The following TMEM164 variants were observed in gnomAD, a reference collection of about 807,000 sequenced individuals.
TMEM164 encodes the protein transmembrane protein 164.
A neutral mutation model predicts 18.8 loss-of-function variants in TMEM164; 4 were observed. The observed-to-expected ratio is 0.21, with a 90% CI of 0.10 to 0.49. The LOEUF is 0.49. Ranked by LOEUF, TMEM164 falls within the 20% of genes least tolerant of loss-of-function variation. TMEM164 has a pLI of 0.98. For missense variants in TMEM164, 108 were observed against 239.9 expected (o/e 0.45, Z 3.63); for synonymous variants, 86 against 101.7 (o/e 0.85, Z 0.93).
At chrX:110,031,653 AG>A (rs909312084) in intron 2 of TMEM164, among the ~76,000 whole-genome samples, 3 of 110,733 alleles carry the variant, frequency 2.7e-5, no homozygotes, top group African/African-American at 9.8e-5. Flanking sequence ...AATTTTAAAA[AG>A]GTTTTTTTGC....
chrX:110,021,555 G>C (rs1933860879), intron 2 of TMEM164, among the ~76,000 whole-genome samples: 1 of 111,598 alleles, frequency 9.0e-6, no homozygotes, highest in Admixed American at 9.5e-5. Flanking sequence ...GTCAGATTCA[G>C]TGCTGAGCTG....
chrX:110,101,071 C>A (rs946187156), intron 3 of TMEM164, among the ~76,000 whole-genome samples: 12 of 110,313 alleles, frequency 1.1e-4, no homozygotes, highest in African/African-American at 3.6e-4. Flanking sequence ...CTCTTCCTCT[C>A]CTTCCTCCCC....
intron 2 of TMEM164, among the ~76,000 whole-genome samples, chrX:110,055,829 A>G (rs1056448857): frequency 1.8e-5 from 2 of 110,695 alleles, no homozygotes; most frequent in African/African-American, 3.3e-5. Context: ...CAAGGGATAT[A>G]TGGGTAATGG....
intron 3 of TMEM164, among the ~76,000 whole-genome samples, chrX:110,075,282 T>C (rs2065654603): frequency 3.6e-5 from 4 of 111,816 alleles, no homozygotes; most frequent in Non-Finnish European, 7.5e-5. Context: ...TGTATAGAAA[T>C]GCTACTGATT....
chrX:110,093,650 T>C (rs1005062708), intron 3 of TMEM164, among the ~76,000 whole-genome samples: 2 of 111,907 alleles, frequency 1.8e-5, no homozygotes, highest in East Asian at 2.8e-4. Context: ...CCTGGATTCA[T>C]TGATTTTTTT....
chrX:110,046,675 T>C (rs1003904592), intron 2 of TMEM164, among the ~76,000 whole-genome samples: 1 of 112,577 alleles, frequency 8.9e-6, no homozygotes, highest in Non-Finnish European at 1.9e-5. Flanking sequence ...AAAACTAAAA[T>C]AGAGTTGGGG....
At chrX:110,127,348 A>C (rs1258837460) in intron 4 of TMEM164, among the ~76,000 whole-genome samples, 3 of 111,054 alleles carry the variant, frequency 2.7e-5, no homozygotes, top group Admixed American at 9.5e-5. Flanking sequence ...CCCCGTCTGT[A>C]CTAAAAATAC....
At chrX:110,084,398 G>GTA (rs57836065) in intron 3 of TMEM164, among the ~76,000 whole-genome samples, 4 of 9,471 alleles carry the variant, frequency 4.2e-4, no homozygotes, top group Non-Finnish European at 8.4e-4. Context: ...ATATAGTATA[G>GTA]TATATATATA....
At chrX:110,065,801 T>A (rs1339021784) in intron 2 of TMEM164, among the ~76,000 whole-genome samples, 1 of 111,940 alleles carries the variant, frequency 8.9e-6, no homozygotes, top group East Asian at 2.8e-4. Context: ...ACATTATTAT[T>A]TTTATGGGAA....
chrX:110,048,960 A>G (rs1418393), intron 2 of TMEM164, among the ~76,000 whole-genome samples: 51,737 of 110,663 alleles, frequency 0.47, 10,073 homozygotes, highest in Non-Finnish European at 0.62. Flanking sequence ...AATACTCAGT[A>G]GGTATTTCTT....
In TMEM164 at chrX:110,176,185, C is replaced by T. The variant is rs961247606; in HGVS notation, c.*2734C>T. The T allele has an allele frequency of 1.5e-4, 114 of 755,078 alleles. No homozygotes were observed. The highest frequency in any genetic ancestry group is 1.8e-4 in the Non-Finnish European group (113 of 639,363). The allele number at this position is 755,078 out of a possible 1,213,427, so 62.2% of individuals were successfully genotyped here. A position where few individuals can be genotyped will look rare whatever the true frequency, so the allele number is the denominator to read the frequency against. ...GCCTTAGGAAGGGAAAAGAGTACTC[C>T]CTCCAGCCCCTAGGTAGCCTTGGCC... On this transcript the variant is annotated 3_prime_UTR_variant, in exon 7 of 7. Coordinates refer to ENST00000372068, the MANE Select transcript of TMEM164 (RefSeq NM_032227.4).
In TMEM164 at chrX:110,085,329, T is replaced by TAA. The variant is rs71987973; in HGVS notation, c.440+17940_440+17941dup. Among the ~76,000 whole-genome samples, 511 of 76,568 alleles carry TAA rather than the reference T, an allele frequency of 6.7e-3. 3 individuals are homozygous for TAA. Among genetic ancestry groups the TAA allele is most frequent in the Non-Finnish European group, 8.2e-3 (384 of 46,654 alleles). The allele number at this position is 76,568 out of a possible 115,157, so 66.5% of individuals were successfully genotyped here. A position where few individuals can be genotyped will look rare whatever the true frequency, so the allele number is the denominator to read the frequency against. On this transcript the variant is annotated intron_variant, in intron 3 of 6. Coordinates refer to ENST00000372068, the MANE Select transcript of TMEM164 (RefSeq NM_032227.4). Reference sequence around the variant, plus strand: ...GAAAACACCACCATGCTTGGCTAATTAAAAAAAATATATATATATATATAT... The same window carrying TAA: ...GAAAACACCACCATGCTTGGCTAATTAAAAAAAAAATATATATATATATATAT...
intron 2 of TMEM164, among the ~76,000 whole-genome samples, chrX:110,064,116 G>A (rs1936230839): frequency 9.0e-6 from 1 of 111,601 alleles, no homozygotes; most frequent in Non-Finnish European, 1.9e-5. Flanking sequence ...GAAAGTGGAA[G>A]TGCTCTGTAG....
intron 5 of TMEM164, 56 bp downstream of exon 5, chrX:110,144,932 GT>G: frequency 2.1e-6 from 2 of 963,323 alleles, no homozygotes; most frequent in Non-Finnish European, 1.5e-6. Context: ...TCTCCCTTCT[GT>G]TTTTGGGAGT....
downstream of TMEM164, chrX:110,182,774 T>G (rs1157375949): frequency 8.9e-6 from 1 of 112,090 alleles, no homozygotes; most frequent in Non-Finnish European, 1.9e-5. Flanking sequence ...TAGGGCACCC[T>G]GAGCCATGGG....
intron 4 of TMEM164, among the ~76,000 whole-genome samples, chrX:110,139,418 A>G (rs1344862839): frequency 9.0e-6 from 1 of 111,351 alleles, no homozygotes; most frequent in Non-Finnish European, 1.9e-5. Context: ...ATAGGAAACC[A>G]TTTCCTCAGC....
At chrX:110,045,462 G>A (rs1935279248) in intron 2 of TMEM164, among the ~76,000 whole-genome samples, 1 of 111,652 alleles carries the variant, frequency 9.0e-6, no homozygotes, top group South Asian at 3.7e-4. Flanking sequence ...TGTATCGTAT[G>A]TATTTTACTA....
At chrX:110,058,224 A>G (rs772420407) in intron 2 of TMEM164, among the ~76,000 whole-genome samples, 1 of 110,294 alleles carries the variant, frequency 9.1e-6, no homozygotes, top group Non-Finnish European at 1.9e-5. Flanking sequence ...CCCATTGTGT[A>G]TTTTTGACCC....
chrX:110,084,469 T>A (rs1042147262), intron 3 of TMEM164, among the ~76,000 whole-genome samples: 2 of 60,165 alleles, frequency 3.3e-5, no homozygotes, highest in African/African-American at 5.1e-5. Flanking sequence ...GTATAGTATA[T>A]ATATATATAG....
Sources: gnomAD v4.1 joint callset for allele counts (sites outside exome capture counted in the v4.1 genomes callset) on GRCh38, gnomAD v4.1.1 for gene constraint, MANE v1.5 for transcripts, NCBI Gene and HGNC (gene_info 2026-07-23, HGNC 2026-07-21) for gene names.